The following TBK1 variants were observed in gnomAD, a reference collection of about 807,000 sequenced individuals.
TBK1 encodes TANK binding kinase 1.
A neutral mutation model predicts 99.9 loss-of-function variants in TBK1; 37 were observed. That is an observed-to-expected ratio of 0.37 (90% CI 0.28 to 0.49). The LOEUF is 0.49. TBK1 is among the 20% of genes least tolerant of loss of function. The pLI, the probability that TBK1 is intolerant of heterozygous loss-of-function variation, is 0.98. For missense variants in TBK1, 644 were observed against 872.5 expected (o/e 0.74, Z 3.30); for synonymous variants, 258 against 279.8 (o/e 0.92, Z 0.78).
intron 12 of TBK1, among the ~76,000 whole-genome samples, chr12:64,489,716 A>C (rs1293643234): frequency 4.7e-5 from 7 of 150,222 alleles, no homozygotes; most frequent in African/African-American, 1.7e-4. Context: ...CTACAGGTGC[A>C]TGCCACCACG....
intron 5 of TBK1, 146 bp from the exon 6 acceptor site, chr12:64,474,083 GA>G (rs1472980736): frequency 4.3e-6 from 3 of 704,346 alleles, no homozygotes; most frequent in Non-Finnish European, 6.8e-6. Flanking sequence ...GGAGGGAGGG[GA>G]AGATGTGAAA....
At chr12:64,477,761 T>A (rs946314842) in intron 6 of TBK1, among the ~76,000 whole-genome samples, 3 of 152,214 alleles carry the variant, frequency 2.0e-5, no homozygotes, top group African/African-American at 7.2e-5. Flanking sequence ...TTCAGAATGA[T>A]GTTGGCTATT....
chr12:64,474,514 G>A, intron 6 of TBK1, 124 bp downstream of exon 6: 2 of 966,680 alleles, frequency 2.1e-6, no homozygotes, highest in South Asian at 3.7e-5. Flanking sequence ...GATATTTTAA[G>A]CTACCTGGTT....
chr12:64,493,981 TAC>T (rs2040899218), intron 13 of TBK1, among the ~76,000 whole-genome samples: 1 of 152,234 alleles, frequency 6.6e-6, no homozygotes, highest in South Asian at 2.1e-4. Context: ...GTGGATTTAT[TAC>T]AGTCTTACTT....
At chr12:64,457,649 G>A (rs1003795841) in intron 2 of TBK1, among the ~76,000 whole-genome samples, 1 of 152,154 alleles carries the variant, frequency 6.6e-6, no homozygotes, top group African/African-American at 2.4e-5. Context: ...GAAGCTGATG[G>A]GATGAGAGAT....
chr12:64,497,274 C>A lies in TBK1; in HGVS notation c.1959+15C>A. Reference sequence around the variant, plus strand: ...ATACTAATGAGGTAGGTACAGCTGTCAAGGAAAAATTAAAATTCTTCTCAG... The same window carrying A: ...ATACTAATGAGGTAGGTACAGCTGTAAAGGAAAAATTAAAATTCTTCTCAG... On this transcript the variant is annotated intron_variant, in intron 18 of 20. Transcript: ENST00000331710. 1.3e-6 allele frequency: 2 copies of A among 1,489,394 alleles called. No homozygotes were observed. The highest frequency in any genetic ancestry group is 2.7e-5 in the South Asian group (2 of 72,992). The allele number at this position is 1,489,394 out of a possible 1,614,324, so 92.3% of individuals were successfully genotyped here. A position where few individuals can be genotyped will look rare whatever the true frequency, so the allele number is the denominator to read the frequency against.
At chr12:64,481,616 C>T (rs546432439) in intron 7 of TBK1, among the ~76,000 whole-genome samples, 1 of 152,172 alleles carries the variant, frequency 6.6e-6, no homozygotes, top group African/African-American at 2.4e-5. Context: ...CATAACAAGA[C>T]CCCATTTCTA....
chr12:64,468,041 A>T lies in TBK1; in HGVS notation c.540+959A>T, dbSNP rs143711813. 6.6e-3 allele frequency among the ~76,000 whole-genome samples: 1,006 copies of T among 152,236 alleles called. 6 individuals are homozygous for T. Among genetic ancestry groups the T allele is most frequent in the Non-Finnish European group, 9.7e-3 (658 of 68,008 alleles). On this transcript the variant is annotated intron_variant, in intron 5 of 20. Transcript: ENST00000331710. ...CATCTCTGCAAAAAATTACAAAATT[A>T]GCCAGGCATGGTGGCGCACATCTGT...
intron 3 of TBK1, among the ~76,000 whole-genome samples, chr12:64,462,547 A>G (rs2040558030): frequency 1.3e-5 from 2 of 152,164 alleles, no homozygotes; most frequent in Admixed American, 6.6e-5. Context: ...ATACTTCCCA[A>G]ATTTTCAACA....
intron 11 of TBK1, among the ~76,000 whole-genome samples, chr12:64,487,616 A>G (rs7975785): frequency 2.0e-5 from 3 of 152,008 alleles, no homozygotes; most frequent in African/African-American, 7.2e-5. Context: ...TTGCTGATCC[A>G]TGAAGCTTTT....
At chr12:64,470,545 A>T (rs1016462358) in intron 5 of TBK1, among the ~76,000 whole-genome samples, 6 of 152,218 alleles carry the variant, frequency 3.9e-5, no homozygotes, top group African/African-American at 1.4e-4. Context: ...ACTAAAAGTA[A>T]ATTTAAATAT....
intron 1 of TBK1, 92 bp from the exon 2 acceptor site, chr12:64,455,748 G>A (rs1565810385): frequency 1.5e-6 from 1 of 645,436 alleles, no homozygotes; most frequent in East Asian, 2.7e-5. Context: ...CAGATAATGG[G>A]TGATCTTACT....
At chr12:64,469,711 C>T (rs905767708) in intron 5 of TBK1, among the ~76,000 whole-genome samples, 9 of 152,166 alleles carry the variant, frequency 5.9e-5, no homozygotes, top group Non-Finnish European at 1.2e-4. Context: ...AGCTCAAGCG[C>T]GTGTCCTTCA....
At chr12:64,474,588 ATATCT>A (rs2040694092) in intron 6 of TBK1, among the ~76,000 whole-genome samples, 198 bp downstream of exon 6, 1 of 152,216 alleles carries the variant, frequency 6.6e-6, no homozygotes, top group Admixed American at 6.5e-5. Context: ...TTATGTTTAA[ATATCT>A]TATATACACA....
Position 64,494,421 on chromosome 12 carries a change from G to A in TBK1, c.1522-1062G>A, listed in dbSNP as rs148436943. ...CTTGAACTCAGGAGGCAGAGGTTGC[G>A]GGAGCTGAGATTGCACCACTGCACT... is the stretch of plus-strand genomic sequence containing the variant. On this transcript the variant is annotated intron_variant, in intron 13 of 20. Transcript: ENST00000331710. Among the ~76,000 whole-genome samples the A allele has an allele frequency of 5.7e-3, 866 of 152,260 alleles. 10 individuals are homozygous for A. Among genetic ancestry groups the A allele is most frequent in the African/African-American group, 0.019 (791 of 41,560 alleles).
intron 9 of TBK1, among the ~76,000 whole-genome samples, chr12:64,484,914 T>C (rs1023349126): frequency 1.1e-4 from 17 of 152,232 alleles, no homozygotes; most frequent in Non-Finnish European, 2.5e-4. Context: ...GTAGACATGA[T>C]TTGACTTCAA....
chr12:64,465,168 C>T (rs2040588912), intron 4 of TBK1, among the ~76,000 whole-genome samples: 2 of 140,198 alleles, frequency 1.4e-5, no homozygotes, highest in Admixed American at 1.6e-4. Context: ...TCACTTGAGC[C>T]CAGGAGATTG....
intron 8 of TBK1, chr12:64,483,999 T>C: frequency 6.2e-6 from 1 of 161,566 alleles, no homozygotes; most frequent in Non-Finnish European, 1.3e-5. Context: ...AGAGCGAAAC[T>C]CTGTCTCACA....
At chr12:64,479,251 A>G (rs2040743591) in intron 6 of TBK1, among the ~76,000 whole-genome samples, 1 of 152,142 alleles carries the variant, frequency 6.6e-6, no homozygotes, top group African/African-American at 2.4e-5. Flanking sequence ...GACTTTTGCC[A>G]TTTATTCTAT....
Sources: gnomAD v4.1 joint callset for allele counts (sites outside exome capture counted in the v4.1 genomes callset) on GRCh38, gnomAD v4.1.1 for gene constraint, MANE v1.5 for transcripts, NCBI Gene and HGNC (gene_info 2026-07-23, HGNC 2026-07-21) for gene names.